ATMIN: variants seen among roughly 807,000 people sequenced by gnomAD.
The protein encoded by ATMIN is ATM interactor, also known as ATM INteracting protein.
A neutral mutation model predicts 49.2 loss-of-function variants in ATMIN; 24 were observed. The observed-to-expected ratio is 0.49, with a 90% CI of 0.35 to 0.69. The LOEUF (loss-of-function observed/expected upper bound fraction) is 0.69, where lower values mean the gene tolerates loss of function less well. Among genes scored for constraint, ATMIN ranks in the 30% least tolerant of loss-of-function variants. The pLI, the probability that ATMIN is intolerant of heterozygous loss-of-function variation, is 0.00. For missense variants in ATMIN, 1,037 were observed against 1,005.5 expected (o/e 1.03, Z -0.42); for synonymous variants, 450 against 392.5 (o/e 1.15, Z -1.73).
chr16:81,041,579 T>G lies in ATMIN; in HGVS notation c.462+98T>G, dbSNP rs138771775. On this transcript the variant is annotated intron_variant, in intron 2 of 3. Coordinates refer to ENST00000299575, the MANE Select transcript of ATMIN (RefSeq NM_015251.3). Reference sequence around the variant, plus strand: ...ACTACAGAATTGAGTAGACAGCTGCTTGTGAGGGGAGATGCCTGCGTGTCT... The same window carrying G: ...ACTACAGAATTGAGTAGACAGCTGCGTGTGAGGGGAGATGCCTGCGTGTCT... 4.5e-3 allele frequency: 6,534 copies of G among 1,454,320 alleles called. 12 individuals are homozygous for G. The highest frequency in any genetic ancestry group is 5.1e-3 in the Non-Finnish European group (5,480 of 1,080,748). 90.1% of individuals were successfully genotyped at this position (1,454,320 alleles called of 1,614,324 possible).
At position 81,043,509 on chromosome 16, in the gene ATMIN, C is replaced by T. The variant is rs1971070528; in HGVS notation, c.1011C>T (p.Ala337=). The change falls in exon 4 of 4, where the codon GCC becomes GCT. Residue 337 remains alanine, a synonymous_variant. Coordinates refer to ENST00000299575, the MANE Select transcript of ATMIN (RefSeq NM_015251.3). ...TGTTAGGTGTTGATCAGGGCTCTGC[C>T]ACAGGGGCTGTGCACTTAATGCCCT... ...PVVLGVDQGS[A]TGAVHLMPLS... is the part of the protein sequence containing the mutation. 10 of 1,613,986 alleles carry T rather than the reference C, an allele frequency of 6.2e-6. No homozygotes were observed. Among genetic ancestry groups the T allele is most frequent in the Non-Finnish European group, 8.5e-6 (10 of 1,180,014 alleles).
At position 81,043,774 on chromosome 16, in the gene ATMIN, C is replaced by T; in HGVS notation, c.1276C>T (p.Pro426Ser). 2 of 1,614,248 alleles carry T rather than the reference C, an allele frequency of 1.2e-6. No individual in the cohort carries two copies. The highest frequency in any genetic ancestry group is 1.6e-4 in the Middle Eastern group (1 of 6,062). The change falls in exon 4 of 4, where the codon CCT becomes TCT. Residue 426 changes from proline (P) to serine (S), a missense_variant. Pro to Ser is a moderately conservative substitution (Grantham distance 74). Coordinates refer to ENST00000299575, the MANE Select transcript of ATMIN (RefSeq NM_015251.3). ...GTCTTATGCCTCACAAAACTTTATA[C>T]CTTCTGCACAGTGGGCCACTGCTGA... ...DLSYASQNFIPSAQWATADSS... is the reference protein window; with the variant it reads ...DLSYASQNFISSAQWATADSS...
rs746891401 is a variant in ATMIN at position 81,044,901 on chromosome 16, G to T, written c.2403G>T (p.Thr801=). ...DFLLADLAWN[T]MESQFSSVET... ...TTCTGGCTGATCTGGCCTGGAACAC[G>T]ATGGAGTCTCAGTTCAGCTCTGTAG... is the stretch of plus-strand genomic sequence containing the variant. Residue 801 remains threonine, a synonymous_variant, in exon 4 of 4, where the codon ACG becomes ACT. Transcript: ENST00000299575. The T allele has an allele frequency of 1.2e-6, 2 of 1,614,100 alleles. No individual in the cohort carries two copies. The highest frequency in any genetic ancestry group is 1.7e-4 in the Middle Eastern group (1 of 6,058).
rs751306740 is a variant in ATMIN, at chr16:81,043,531, C to T, written c.1033C>T (p.Pro345Ser). The change falls in exon 4 of 4, where the codon CCC becomes TCC. Residue 345 changes from proline to serine, a missense_variant. Physicochemically the swap from Pro to Ser is moderately conservative, Grantham distance 74. Coordinates refer to ENST00000299575, the MANE Select transcript of ATMIN (RefSeq NM_015251.3). ...TGCCACAGGGGCTGTGCACTTAATG[C>T]CCTTGTCAGTAGGAACCCTGATCCT... Reference protein sequence around the residue: ...GSATGAVHLMPLSVGTLILGL... With the variant: ...GSATGAVHLMSLSVGTLILGL... The T allele has an allele frequency of 8.7e-6, 14 of 1,613,946 alleles. No individual in the cohort carries two copies. The Admixed American group carries it at 2.3e-4, about 27-fold the overall frequency.
chr16:81,038,282 C>T (rs1189253319), intron 1 of ATMIN, among the ~76,000 whole-genome samples: 2 of 152,056 alleles, frequency 1.3e-5, no homozygotes, highest in Non-Finnish European at 2.9e-5. Context: ...AGGTGCATAC[C>T]ACCACGCCCA....
At chr16:81,037,069 C>T in intron 1 of ATMIN, 1 of 601,226 alleles carries the variant, frequency 1.7e-6, no homozygotes, top group Non-Finnish European at 2.1e-6. Context: ...CAGTCATTTT[C>T]AACCTTGGGA....
chr16:81,039,808 T>C (rs1971009799), intron 1 of ATMIN, among the ~76,000 whole-genome samples: 1 of 152,238 alleles, frequency 6.6e-6, no homozygotes, highest in Non-Finnish European at 1.5e-5. Context: ...TCCAGAGGTT[T>C]GTTTTTAATG....
In ATMIN at chr16:81,043,819, T is replaced by A; in HGVS notation, c.1321T>A (p.Ser441Thr). The change falls in exon 4 of 4, where the codon TCT becomes ACT. Residue 441 changes from serine (S) to threonine (T), a missense_variant. Ser to Thr is a moderately conservative substitution (Grantham distance 58). Coordinates refer to ENST00000299575, the MANE Select transcript of ATMIN (RefSeq NM_015251.3). ...ATADSSVSSCSQTDLSFDSQV... is the reference protein window; with the variant it reads ...ATADSSVSSCTQTDLSFDSQV... ...TGCTGATTCCTCTGTGTCGTCTTGT[T>A]CTCAAACTGATTTGTCGTTTGATTC... is the stretch of plus-strand genomic sequence containing the variant. The A allele has an allele frequency of 1.9e-6, 3 of 1,614,266 alleles. No individual in the cohort carries two copies. The highest frequency in any genetic ancestry group is 1.6e-4 in the Middle Eastern group (1 of 6,062).
At chr16:81,037,663 T>C (rs1054320177) in intron 1 of ATMIN, among the ~76,000 whole-genome samples, 1 of 152,214 alleles carries the variant, frequency 6.6e-6, no homozygotes, top group East Asian at 1.9e-4. Context: ...TGAGACAGAG[T>C]CTCACTCCAT....
chr16:81,037,017 T>G (rs1970949129), intron 1 of ATMIN, among the ~76,000 whole-genome samples: 1 of 152,166 alleles, frequency 6.6e-6, no homozygotes, highest in Non-Finnish European at 1.5e-5. Flanking sequence ...AAATACACCA[T>G]GACAATAGTC....
chr16:81,042,045 CATAG>C (rs1376269410), intron 2 of ATMIN, among the ~76,000 whole-genome samples: 70 of 152,220 alleles, frequency 4.6e-4, no homozygotes, highest in Admixed American at 4.6e-3. Context: ...TGCTGGAGAC[CATAG>C]ATGTTTCCAA....
chr16:81,041,403 G>A lies in ATMIN; in HGVS notation c.384G>A (p.Pro128=), dbSNP rs1326411830. 9.9e-6 allele frequency: 16 copies of A among 1,613,680 alleles called. No homozygotes were observed. The highest frequency in any genetic ancestry group is 1.6e-4 in the Middle Eastern group (1 of 6,080). The change falls in exon 2 of 4, where the codon CCG becomes CCA. Residue 128 remains proline (P), a synonymous_variant. Coordinates refer to ENST00000299575, the MANE Select transcript of ATMIN (RefSeq NM_015251.3). ...TAAGAAAAGATTTGAAAACTGGACC[G>A]AAATTCTACTGCTGTCCAATTGAAG... ...PTIRKDLKTG[P]KFYCCPIEGC...
rs993181175 is a variant in ATMIN, at chr16:81,041,598, C to T, written c.462+117C>T. The T allele has an allele frequency of 2.0e-5, 26 of 1,302,902 alleles. No homozygotes were observed. The Admixed American group carries it at 4.9e-4, about 25-fold the overall frequency. 80.7% of individuals were successfully genotyped at this position (1,302,902 alleles called of 1,614,324 possible). The stretch of plus-strand genomic sequence containing the variant: ...AGCTGCTTGTGAGGGGAGATGCCTG[C>T]GTGTCTCCCAGTTGGTATAAACCTG... On this transcript the variant is annotated intron_variant, in intron 2 of 3. Coordinates refer to ENST00000299575, the MANE Select transcript of ATMIN (RefSeq NM_015251.3).
At chr16:81,036,272 CG>C in intron 1 of ATMIN, 66 bp downstream of exon 1, 1 of 1,158,230 alleles carries the variant, frequency 8.6e-7, no homozygotes, top group Non-Finnish European at 1.1e-6. Context: ...CCGGCGCCGG[CG>C]CGCGAAGCCG....
In ATMIN at chr16:81,046,346, C is replaced by T. The variant is rs1208996093; in HGVS notation, c.*1376C>T. ...TTTCCTTCCATTCACCATTCTTTAT[C>T]TTTTCTTTGAATAAGAAAAAGTATC... On this transcript the variant is annotated 3_prime_UTR_variant, in exon 4 of 4. Coordinates refer to ENST00000299575, the MANE Select transcript of ATMIN (RefSeq NM_015251.3). 1 of 152,126 alleles carries T rather than the reference C, an allele frequency of 6.6e-6. No individual in the cohort carries two copies. The highest frequency in any genetic ancestry group is 6.5e-5 in the Admixed American group (1 of 15,282). The allele number at this position is 152,126 out of a possible 1,614,324, so 9.4% of individuals were successfully genotyped here.
intron 1 of ATMIN, among the ~76,000 whole-genome samples, chr16:81,040,010 G>A (rs1269466066): frequency 6.6e-6 from 1 of 152,166 alleles, no homozygotes; most frequent in Non-Finnish European, 1.5e-5. Context: ...TTTTGCTACA[G>A]TTCTTACAAT....
chr16:81,036,605 G>C (rs1328330131), intron 1 of ATMIN, among the ~76,000 whole-genome samples: 1 of 152,172 alleles, frequency 6.6e-6, no homozygotes, highest in Non-Finnish European at 1.5e-5. Context: ...TAGATGATGC[G>C]GGGCTTTAAA....
At chr16:81,038,046 C>G (rs572637876) in intron 1 of ATMIN, among the ~76,000 whole-genome samples, 2 of 152,254 alleles carry the variant, frequency 1.3e-5, no homozygotes, top group South Asian at 2.1e-4. Context: ...TTTAAAGACC[C>G]TGGTAAACAT....
Position 81,044,890 on chromosome 16 carries a change from G to A in ATMIN, c.2392G>A (p.Ala798Thr). 2.5e-6 allele frequency: 4 copies of A among 1,614,162 alleles called. No homozygotes were observed. Among genetic ancestry groups the A allele is most frequent in the Non-Finnish European group, 3.4e-6 (4 of 1,180,020 alleles). ...AMDDFLLADL[A>T]WNTMESQFSS... Reference sequence around the variant, plus strand: ...GGATGACTTTCTTCTGGCTGATCTGGCCTGGAACACGATGGAGTCTCAGTT... The same window carrying A: ...GGATGACTTTCTTCTGGCTGATCTGACCTGGAACACGATGGAGTCTCAGTT... The change falls in exon 4 of 4, where the codon GCC (alanine) becomes ACC (threonine). Residue 798 changes from alanine (A) to threonine (T), a missense_variant. By Grantham distance (58) the Ala-to-Thr change is moderately conservative. Coordinates refer to ENST00000299575, the MANE Select transcript of ATMIN (RefSeq NM_015251.3).
Sources: allele counts gnomAD v4.1 joint callset (sites outside exome capture counted in the v4.1 genomes callset), GRCh38; gene constraint gnomAD v4.1.1; transcripts MANE v1.5; gene names NCBI Gene and HGNC (gene_info 2026-07-23, HGNC 2026-07-21).